Variants in CSMD2 observed in about 807,000 individuals in gnomAD.
CSMD2 encodes the protein CUB and Sushi multiple domains 2.
In CSMD2, 130 loss-of-function variants were observed where a neutral mutation model predicts 398.5. The ratio of observed to expected loss-of-function variants is 0.33; its 90% CI spans 0.28 to 0.38. The LOEUF is 0.38. Among genes scored for constraint, CSMD2 ranks in the 10% least tolerant of loss-of-function variants. CSMD2 has a pLI of 1.00. For synonymous variants in CSMD2, 1,828 were observed against 1,908.5 expected (o/e 0.96, Z 1.10); for missense variants, 3,829 against 4,764.9 (o/e 0.80, Z 5.78).
Position 33,624,611 on chromosome 1 carries a change from C to T in CSMD2, c.5533G>A (p.Gly1845Ser), listed in dbSNP as rs1327550776. 4 of 1,613,676 alleles carry T rather than the reference C, an allele frequency of 2.5e-6. No individual in the cohort carries two copies. The highest frequency in any genetic ancestry group is 1.3e-5 in the African/African-American group (1 of 74,906). Residue 1845 changes from glycine (G) to serine (S), a missense_variant, in exon 35 of 71, where the codon GGC becomes AGC. Transcript: ENST00000373381. This position sits in a 1 kb window ranked among gnomAD's most constrained non-coding sequence, Gnocchi z 4.7. The part of the protein sequence containing the change: ...PCGGNLTERR[G>S]TILSPGFPEP... ...GGGAAGCCAGGGGACAGGATGGTGC[C>T]CCTGCGCTCTGTGAGGTTGCCTCCA... is the stretch of plus-strand genomic sequence containing the variant.
intron 19 of CSMD2, among the ~76,000 whole-genome samples, chr1:33,717,624 T>G (rs1299448573): frequency 6.6e-6 from 1 of 151,602 alleles, no homozygotes. Context: ...AAGGACAGAT[T>G]TGGAAGTTCA....
chr1:33,675,154 A>G (rs925844055), intron 25 of CSMD2, among the ~76,000 whole-genome samples: 2 of 152,234 alleles, frequency 1.3e-5, no homozygotes, highest in Admixed American at 6.5e-5. Flanking sequence ...CCTTCAAAAA[A>G]TCAATGAATC....
intron 6 of CSMD2, among the ~76,000 whole-genome samples, chr1:33,841,018 A>G (rs2125065128): frequency 6.6e-6 from 1 of 152,362 alleles, no homozygotes; most frequent in African/African-American, 2.4e-5. Context: ...CAACCATCTC[A>G]GTAAATGCAA....
At chr1:33,796,791 G>A (rs988120241) in intron 10 of CSMD2, among the ~76,000 whole-genome samples, 13 of 152,212 alleles carry the variant, frequency 8.5e-5, no homozygotes, top group Admixed American at 5.9e-4. Flanking sequence ...GGATGTGCAA[G>A]TAGGGAAGAT....
intron 44 of CSMD2, among the ~76,000 whole-genome samples, chr1:33,592,948 CA>C (rs35494833): frequency 0.21 from 27,074 of 126,648 alleles, 2,976 homozygotes; most frequent in Non-Finnish European, 0.28. Context: ...GACTCTGTCT[CA>C]AAAAAAAAAA....
At chr1:33,742,679 T>C (rs1647120315) in intron 14 of CSMD2, among the ~76,000 whole-genome samples, 1 of 142,744 alleles carries the variant, frequency 7.0e-6, no homozygotes, top group South Asian at 2.2e-4. Context: ...GGATTGAAAC[T>C]GGAGGTGGCA....
intron 1 of CSMD2, among the ~76,000 whole-genome samples, chr1:34,108,376 C>G: frequency 6.6e-6 from 1 of 152,176 alleles, no homozygotes; most frequent in East Asian, 1.9e-4. Context: ...GGGGTATGGT[C>G]AAGTCCCTTA....
At chr1:33,809,226 G>GA (rs1262339519) in intron 10 of CSMD2, among the ~76,000 whole-genome samples, 5 of 151,620 alleles carry the variant, frequency 3.3e-5, no homozygotes, top group African/African-American at 7.3e-5. Flanking sequence ...AAGGCAATAT[G>GA]AAAAAACAAA....
intron 41 of CSMD2, 116 bp downstream of exon 41, chr1:33,610,925 G>A (rs1640954419): frequency 4.6e-5 from 46 of 1,002,234 alleles, no homozygotes; most frequent in Non-Finnish European, 6.7e-5. Context: ...GCCTGCCACC[G>A]CAACCCACCC....
chr1:33,877,565 A>G (rs1338534572), intron 5 of CSMD2, among the ~76,000 whole-genome samples: 22 of 152,160 alleles, frequency 1.4e-4, no homozygotes, highest in Non-Finnish European at 2.4e-4. Context: ...GATTCATAAT[A>G]ATCACAAAAT....
At chr1:33,749,375 A>G (rs1400987422) in intron 13 of CSMD2, among the ~76,000 whole-genome samples, 1 of 152,148 alleles carries the variant, frequency 6.6e-6, no homozygotes, top group Non-Finnish European at 1.5e-5. Flanking sequence ...CTGGGATTAC[A>G]GGCGTGAGCC....
Position 33,611,022 on chromosome 1 carries a change from C to A in CSMD2, c.6343+19G>T. ...ATGGAGATAGACAGAGAAGCAAAGG[C>A]GGTGCTCCTTGTCCTTACCCTGATA... On this transcript the variant is annotated intron_variant, in intron 41 of 70. Transcript: ENST00000373381. The A allele has an allele frequency of 6.2e-7, 1 of 1,608,818 alleles. No homozygotes were observed. The highest frequency in any genetic ancestry group is 1.1e-5 in the South Asian group (1 of 90,166).
chr1:34,048,992 A>C (rs575811815), intron 2 of CSMD2, among the ~76,000 whole-genome samples: 1 of 152,242 alleles, frequency 6.6e-6, no homozygotes, highest in South Asian at 2.1e-4. Flanking sequence ...GGTCTCCAGA[A>C]CCATGGTTCC....
At chr1:33,521,296 T>G (rs1654258815) in intron 68 of CSMD2, among the ~76,000 whole-genome samples, 167 bp downstream of exon 68, 1 of 152,070 alleles carries the variant, frequency 6.6e-6, no homozygotes, top group African/African-American at 2.4e-5. Context: ...TGGAGAGATA[T>G]TCCATGGCTT....
At chr1:33,740,792 G>A (rs1399083568) in intron 14 of CSMD2, among the ~76,000 whole-genome samples, 2 of 152,196 alleles carry the variant, frequency 1.3e-5, no homozygotes, top group African/African-American at 4.8e-5. Flanking sequence ...TGTAGGCACA[G>A]ATACATACAC....
chr1:33,519,849 T>C lies in CSMD2; in HGVS notation c.10699A>G (p.Ile3567Val). 1 of 1,613,898 alleles carries C rather than the reference T, an allele frequency of 6.2e-7. No individual in the cohort carries two copies. Residue 3567 changes from isoleucine (I) to valine (V), a missense_variant, in exon 69 of 71, where the codon ATT (isoleucine) becomes GTT (valine). This residue lies in a region of CSMD2 where 917 missense variants were observed against 1,199.5 expected (regional missense o/e 0.76). Transcript: ENST00000373381. This position sits in a 1 kb window ranked among gnomAD's most constrained non-coding sequence, Gnocchi z 5.6. The part of the protein sequence containing the change: ...AAILVPFIAL[I>V]IAGFVLYLYK... ...AGATAGAGCACGAAGCCCGCAATAA[T>C]GAGGGCGATGAAAGGCACCAGGATC...
intron 11 of CSMD2, among the ~76,000 whole-genome samples, chr1:33,789,506 G>A (rs761593969): frequency 7.2e-5 from 11 of 152,248 alleles, no homozygotes; most frequent in Non-Finnish European, 1.5e-4. Context: ...AGAGCCAGGG[G>A]TCCCCTGTGC....
Position 33,567,744 on chromosome 1 carries a change from C to A in CSMD2, c.8229G>T (p.Glu2743Asp). ...CATTGATGTGTCCGTTGACAATGGG[C>A]TCAGGAGTCCCACAGTGTCCAGCTT... Reference protein sequence around the residue: ...LTKAGHCGTPEPIVNGHINGE... With the variant: ...LTKAGHCGTPDPIVNGHINGE... Residue 2743 changes from glutamate to aspartate, a missense_variant, in exon 53 of 71, where the codon GAG becomes GAT. Coordinates refer to ENST00000373381, the MANE Select transcript of CSMD2 (RefSeq NM_001281956.2). 7 of 1,614,058 alleles carry A rather than the reference C, an allele frequency of 4.3e-6. No individual in the cohort carries two copies. The highest frequency in any genetic ancestry group is 5.9e-6 in the Non-Finnish European group (7 of 1,180,018).
intron 5 of CSMD2, among the ~76,000 whole-genome samples, chr1:33,852,405 G>C (rs776191211): frequency 3.6e-4 from 55 of 152,196 alleles, no homozygotes; most frequent in Non-Finnish European, 6.3e-4. Flanking sequence ...CACACACTTT[G>C]AGATCCAGCT....
Sources: allele counts gnomAD v4.1 joint callset (sites outside exome capture counted in the v4.1 genomes callset), GRCh38; gene constraint gnomAD v4.1.1; regional missense constraint gnomAD v4.1.1; non-coding constraint Gnocchi (gnomAD v3.1); transcripts MANE v1.5; gene names NCBI Gene and HGNC (gene_info 2026-07-23, HGNC 2026-07-21).